PRR33: variants seen among roughly 807,000 people sequenced by gnomAD.
PRR33 encodes the protein proline rich 33, also known as proline-rich protein 33.
In PRR33, 1 loss-of-function variant was observed where a neutral mutation model predicts 0.5. The ratio of observed to expected loss-of-function variants is 2.18; its 90% CI spans 0.77 to 10.34. The LOEUF (loss-of-function observed/expected upper bound fraction) is 10.34, where lower values mean the gene tolerates loss of function less well. Among genes scored for constraint, PRR33 ranks in the 30% most tolerant of loss-of-function variants. The pLI is 0.13. For missense variants in PRR33, 552 were observed against 251.8 expected (o/e 2.19, Z -8.07); for synonymous variants, 226 against 110.0 (o/e 2.06, Z -6.60).
the PRR33 span, among the ~76,000 whole-genome samples, chr11:1,912,226 G>A: frequency 1.3e-5 from 2 of 151,942 alleles, no homozygotes; most frequent in Non-Finnish European, 2.9e-5. Context: ...TGGTCATAAT[G>A]TAATTGAAAA....
upstream of PRR33, among the ~76,000 whole-genome samples, chr11:1,896,381 C>T (rs989658753): frequency 6.6e-6 from 1 of 152,160 alleles, no homozygotes; most frequent in East Asian, 1.9e-4. Context: ...GTCAGATTGA[C>T]CTCTAAGTAT....
chr11:1,905,976 G>A, the PRR33 span, among the ~76,000 whole-genome samples: 14 of 150,896 alleles, frequency 9.3e-5, no homozygotes, highest in Middle Eastern at 3.2e-3. Flanking sequence ...ATGCCACCAC[G>A]CCCAGCTAAA....
At chr11:1,901,039 C>T in the PRR33 span, among the ~76,000 whole-genome samples, 4 of 152,172 alleles carry the variant, frequency 2.6e-5, no homozygotes, top group African/African-American at 7.2e-5. Context: ...GGGCCAGGCA[C>T]GGTGGCTTAC....
At chr11:1,911,683 AGT>A in the PRR33 span, among the ~76,000 whole-genome samples, 1 of 151,672 alleles carries the variant, frequency 6.6e-6, no homozygotes, top group African/African-American at 2.4e-5. Flanking sequence ...GGCCTCTCAA[AGT>A]GCTGGGATTA....
chr11:1,915,461 T>C, the PRR33 span, among the ~76,000 whole-genome samples: 1 of 147,870 alleles, frequency 6.8e-6, no homozygotes, highest in Non-Finnish European at 1.5e-5. Flanking sequence ...TGTGTGTATG[T>C]GTTGTGGGGT....
the PRR33 span, among the ~76,000 whole-genome samples, chr11:1,905,584 G>A: frequency 2.0e-5 from 3 of 151,706 alleles, no homozygotes; most frequent in Non-Finnish European, 2.9e-5. Context: ...GATTATAGGC[G>A]TGTGCCACCA....
chr11:1,890,751 C>T (rs575849434), exon 1 of PRR33: 8 of 600,382 alleles, frequency 1.3e-5, no homozygotes, highest in East Asian at 2.8e-5. Flanking sequence ...ATGCTGAGCT[C>T]GACTGTGCCT....
the PRR33 span, among the ~76,000 whole-genome samples, chr11:1,906,054 G>T: frequency 3.6e-4 from 54 of 148,416 alleles, no homozygotes; most frequent in East Asian, 9.5e-3. Flanking sequence ...TTGAACTCCT[G>T]GACTCAAGGG....
At chr11:1,889,286 C>T (rs1174227198) in exon 1 of PRR33, 4 of 696,672 alleles carry the variant, frequency 5.7e-6, no homozygotes, top group Middle Eastern at 2.3e-4. Flanking sequence ...ACAGGAAGGG[C>T]AGGCGGGTGA....
At chr11:1,904,103 T>C in the PRR33 span, among the ~76,000 whole-genome samples, 1 of 152,212 alleles carries the variant, frequency 6.6e-6, no homozygotes, top group Admixed American at 6.5e-5. Context: ...AAGAGAGAAC[T>C]TCCCACGATC....
At chr11:1,890,218 C>T (rs918414704) in exon 1 of PRR33, 5 of 716,180 alleles carry the variant, frequency 7.0e-6, no homozygotes, top group Middle Eastern at 2.3e-4. Context: ...GGTGATGCCA[C>T]GTGGTGGATG....
the PRR33 span, among the ~76,000 whole-genome samples, chr11:1,902,128 A>T: frequency 7.9e-5 from 12 of 151,254 alleles, no homozygotes; most frequent in Non-Finnish European, 1.6e-4. Flanking sequence ...GCTACTCGGG[A>T]GGCTGAGGCA....
the PRR33 span, among the ~76,000 whole-genome samples, chr11:1,902,121 A>AGT: frequency 7.9e-5 from 12 of 151,618 alleles, no homozygotes; most frequent in Non-Finnish European, 1.6e-4. Context: ...AGTCCCAGCT[A>AGT]CTCGGGAGGC....
chr11:1,915,944 G>T, the PRR33 span, among the ~76,000 whole-genome samples: 2 of 151,646 alleles, frequency 1.3e-5, no homozygotes, highest in Admixed American at 6.6e-5. Flanking sequence ...TGGATGGATG[G>T]ATGGCGGGAG....
chr11:1,894,861 G>A (rs533631360), upstream of PRR33, among the ~76,000 whole-genome samples: 1 of 152,320 alleles, frequency 6.6e-6, no homozygotes, highest in South Asian at 2.1e-4. Context: ...GCCGTGGGAG[G>A]TGTGTGTGAA....
the PRR33 span, among the ~76,000 whole-genome samples, chr11:1,898,236 A>AC: frequency 1.3e-5 from 2 of 150,486 alleles, no homozygotes; most frequent in Non-Finnish European, 3.0e-5. Flanking sequence ...TACGAGGGAT[A>AC]CTTTTTTTTT....
chr11:1,902,356 C>T, the PRR33 span, among the ~76,000 whole-genome samples: 1 of 152,012 alleles, frequency 6.6e-6, no homozygotes, highest in Non-Finnish European at 1.5e-5. Context: ...AGGAATAAGG[C>T]AAAGAAAGGC....
downstream of PRR33, among the ~76,000 whole-genome samples, chr11:1,888,051 A>G (rs1320189986): frequency 6.6e-6 from 1 of 151,976 alleles, no homozygotes; most frequent in Non-Finnish European, 1.5e-5. Flanking sequence ...TCCCCATCCC[A>G]TGCTGCAGAC....
chr11:1,889,231 G>A lies in PRR33; in HGVS notation c.1354C>T (p.Pro452Ser), dbSNP rs574419289. ...AGGATGGAGCGGACTGTGGGAGGGGGCCGGGTGGCCTCCTGCAGCTTCCGG... is the reference window on the plus strand; with the variant it reads ...AGGATGGAGCGGACTGTGGGAGGGGACCGGGTGGCCTCCTGCAGCTTCCGG... Residue 452 changes from proline (P) to serine (S), a missense_variant, in exon 1 of 1, where the codon CCC (proline) becomes TCC (serine). Transcript: ENST00000640310. 293 of 674,480 alleles carry A rather than the reference G, an allele frequency of 4.3e-4. 5 individuals are homozygous for A. Among genetic ancestry groups the A allele is most frequent in the South Asian group, 3.6e-3 (229 of 63,062 alleles). 41.8% of individuals were successfully genotyped at this position (674,480 alleles called of 1,614,324 possible). A position where few individuals can be genotyped will look rare whatever the true frequency, so the allele number is the denominator to read the frequency against.
Sources: gnomAD v4.1 joint callset for allele counts (sites outside exome capture counted in the v4.1 genomes callset) on GRCh38, gnomAD v4.1.1 for gene constraint, MANE v1.5 for transcripts, NCBI Gene and HGNC (gene_info 2026-07-23, HGNC 2026-07-21) for gene names.